TRPC4AP: variants seen among roughly 807,000 people sequenced by gnomAD.
TRPC4AP encodes the protein transient receptor potential cation channel subfamily C member 4 associated protein.
TRPC4AP carries 45 observed loss-of-function variants against 99.0 expected under a neutral mutation model. The ratio of observed to expected loss-of-function variants is 0.45; its 90% CI spans 0.36 to 0.58. The LOEUF is 0.58. Ranked by LOEUF, TRPC4AP falls within the 20% of genes least tolerant of loss-of-function variation. The pLI is 0.00. For missense variants in TRPC4AP, 879 were observed against 985.3 expected (o/e 0.89, Z 1.44); for synonymous variants, 408 against 385.8 (o/e 1.06, Z -0.67).
In TRPC4AP at chr20:35,005,940, A is replaced by C. The variant is rs988559538; in HGVS notation, c.1828-137T>G. On this transcript the variant is annotated intron_variant, in intron 15 of 18. Coordinates refer to ENST00000252015, the MANE Select transcript of TRPC4AP (RefSeq NM_015638.3). ...TTCAGATAGGAAGACAGAGGCTCAG[A>C]TAAGCTGAGGGACCTCCCCTCACCA... 5.6e-6 allele frequency: 4 copies of C among 714,998 alleles called. No individual in the cohort carries two copies. In the Admixed American group the frequency reaches 1.0e-4, roughly 18 times the overall value. The allele number at this position is 714,998 out of a possible 1,614,324, so 44.3% of individuals were successfully genotyped here.
At chr20:35,030,241 C>CAAAAAAAA (rs572401085) in intron 8 of TRPC4AP, 2 of 111,694 alleles carry the variant, frequency 1.8e-5, no homozygotes, top group Non-Finnish European at 1.8e-5. Context: ...AACTCCATAT[C>CAAAAAAAA]AAAAAAAAAA....
chr20:35,023,918 C>T (rs1388587058), intron 8 of TRPC4AP, among the ~76,000 whole-genome samples: 1 of 152,232 alleles, frequency 6.6e-6, no homozygotes, highest in African/African-American at 2.4e-5. Context: ...CTTGCGCAGG[C>T]CTGACAAGAC....
chr20:35,082,376 T>C (rs774182270), intron 1 of TRPC4AP, among the ~76,000 whole-genome samples: 5 of 152,256 alleles, frequency 3.3e-5, no homozygotes, highest in South Asian at 4.1e-4. Context: ...CAAATGTCAA[T>C]ACATTTAAAT....
intron 7 of TRPC4AP, among the ~76,000 whole-genome samples, chr20:35,037,820 G>A: frequency 6.6e-6 from 1 of 151,960 alleles, no homozygotes; most frequent in Non-Finnish European, 1.5e-5. Context: ...TTACCATTAT[G>A]GTACAACTGC....
intron 8 of TRPC4AP, among the ~76,000 whole-genome samples, chr20:35,027,266 T>C (rs1309187425): frequency 6.6e-6 from 1 of 152,254 alleles, no homozygotes; most frequent in Non-Finnish European, 1.5e-5. Flanking sequence ...GAAAGGGTGT[T>C]GGATTTTGTC....
At position 35,003,501 on chromosome 20, in the gene TRPC4AP, G is replaced by C. The variant is rs754759873; in HGVS notation, c.2165C>G (p.Pro722Arg). The change falls in exon 18 of 19, where the codon CCC becomes CGC. Residue 722 changes from proline (P) to arginine (R), a missense_variant. By Grantham distance (103) the Pro-to-Arg change is moderately radical. Coordinates refer to ENST00000252015, the MANE Select transcript of TRPC4AP (RefSeq NM_015638.3). The stretch of plus-strand genomic sequence containing the variant: ...GTGGAAGTTGTTGAGCAGGAAGCCG[G>C]GGTACTTCTTGCTGTGCTCCATCCG... ...LQRMEHSKKY[P>R]GFLLNNFHNL... 6 of 1,614,050 alleles carry C rather than the reference G, an allele frequency of 3.7e-6. No homozygotes were observed. Among genetic ancestry groups the C allele is most frequent in the Non-Finnish European group, 5.1e-6 (6 of 1,180,022 alleles).
chr20:35,028,925 T>A (rs1033396114), intron 8 of TRPC4AP, among the ~76,000 whole-genome samples: 3 of 152,238 alleles, frequency 2.0e-5, no homozygotes, highest in Admixed American at 2.0e-4. Flanking sequence ...ATCCCTATTT[T>A]GCTCTGATAA....
chr20:35,031,582 G>A (rs376334554), intron 8 of TRPC4AP, among the ~76,000 whole-genome samples: 4 of 151,476 alleles, frequency 2.6e-5, no homozygotes, highest in Non-Finnish European at 5.9e-5. Flanking sequence ...TGAGTATTCC[G>A]ACTTGGATTC....
rs1458812491 is a variant in TRPC4AP at position 35,035,247 on chromosome 20, C to T, written c.927G>A (p.Val309=). Residue 309 remains valine (V), a synonymous_variant, in exon 8 of 19, where the codon GTG becomes GTA. Transcript: ENST00000252015. ...ERLCKLATRK[V]SESTGTASFL... is the part of the protein sequence containing the mutation. ...AGCTGGCTGTGCCCGTTGACTCTGA[C>T]ACCTTTCGAGTCGCCAGTTTGCAAA... The T allele has an allele frequency of 1.9e-6, 3 of 1,614,046 alleles. No homozygotes were observed. The highest frequency in any genetic ancestry group is 1.3e-5 in the African/African-American group (1 of 74,900).
At chr20:35,059,868 G>A (rs1320211451) in intron 3 of TRPC4AP, among the ~76,000 whole-genome samples, 1 of 150,972 alleles carries the variant, frequency 6.6e-6, no homozygotes, top group Admixed American at 6.6e-5. Context: ...AAGAAAAGAT[G>A]AAGAAAAGAC....
chr20:35,027,609 G>C (rs193023829), intron 8 of TRPC4AP, among the ~76,000 whole-genome samples: 22 of 152,258 alleles, frequency 1.4e-4, no homozygotes, highest in African/African-American at 4.8e-4. Context: ...AATTCTTCTT[G>C]AAACATTTGG....
At chr20:35,004,886 A>C (rs1216880816) in intron 16 of TRPC4AP, among the ~76,000 whole-genome samples, 1 of 152,190 alleles carries the variant, frequency 6.6e-6, no homozygotes, top group East Asian at 1.9e-4. Flanking sequence ...AGTTCCCTCC[A>C]CAGGAAGATG....
At chr20:35,055,336 G>A (rs1366496436) in intron 4 of TRPC4AP, among the ~76,000 whole-genome samples, 2 of 152,118 alleles carry the variant, frequency 1.3e-5, no homozygotes, top group South Asian at 2.1e-4. Context: ...TTAATGTCTT[G>A]CTTAGGATAT....
At chr20:35,086,257 C>T (rs1014034439) in intron 1 of TRPC4AP, among the ~76,000 whole-genome samples, 10 of 152,050 alleles carry the variant, frequency 6.6e-5, no homozygotes, top group Admixed American at 2.6e-4. Context: ...CCGCACCCAG[C>T]CTAAATAGAT....
rs370072488 is a variant in TRPC4AP, at chr20:35,022,964, A to G, written c.1052-1608T>C. Among the ~76,000 whole-genome samples the G allele has an allele frequency of 2.6e-5, 4 of 151,952 alleles. No individual in the cohort carries two copies. The East Asian group carries it at 5.8e-4, about 22-fold the overall frequency. ...CTTGAGCCTGGAAGGTGAAGGTTGC[A>G]GTGAACCAACAGAGATCGTGCCACT... On this transcript the variant is annotated intron_variant, in intron 8 of 18. Transcript: ENST00000252015.
chr20:35,014,370 T>G (rs1600512837), intron 10 of TRPC4AP, among the ~76,000 whole-genome samples: 1 of 129,778 alleles, frequency 7.7e-6, no homozygotes, highest in African/African-American at 3.0e-5. Flanking sequence ...CAGGCTGGAG[T>G]GCAGTGGCGT....
In TRPC4AP at chr20:35,050,869, C is replaced by T. The variant is rs6119562; in HGVS notation, c.529-875G>A. Among the ~76,000 whole-genome samples the T allele has an allele frequency of 1.2e-3, 180 of 152,122 alleles. 1 individual carries two copies. The highest frequency in any genetic ancestry group is 4.2e-3 in the African/African-American group (174 of 41,524). ...CAGTATTGTCAAGTGCAGTGGCTCACACCTGTAATCCCAGCTACCCCGGAG... is the reference window on the plus strand; with the variant it reads ...CAGTATTGTCAAGTGCAGTGGCTCATACCTGTAATCCCAGCTACCCCGGAG... On this transcript the variant is annotated intron_variant, in intron 5 of 18. Transcript: ENST00000252015.
intron 16 of TRPC4AP, 51 bp downstream of exon 16, chr20:35,005,644 C>T: frequency 6.5e-7 from 1 of 1,531,302 alleles, no homozygotes; most frequent in Non-Finnish European, 9.0e-7. Flanking sequence ...GTGTCTGATG[C>T]CAGCATTCTT....
chr20:35,040,415 C>T (rs1183867182), intron 7 of TRPC4AP, among the ~76,000 whole-genome samples: 1 of 152,122 alleles, frequency 6.6e-6, no homozygotes, highest in Non-Finnish European at 1.5e-5. Context: ...AGTTTTTCTC[C>T]TACTGCTCTT....
Sources: gnomAD v4.1 joint callset for allele counts (sites outside exome capture counted in the v4.1 genomes callset) on GRCh38, gnomAD v4.1.1 for gene constraint, MANE v1.5 for transcripts, NCBI Gene and HGNC (gene_info 2026-07-23, HGNC 2026-07-21) for gene names.